MAP4K5: variants seen among roughly 807,000 people sequenced by gnomAD.
MAP4K5 encodes the protein mitogen-activated protein kinase kinase kinase kinase 5.
In MAP4K5, 82 loss-of-function variants were observed where a neutral mutation model predicts 135.6. The ratio of observed to expected loss-of-function variants is 0.60; its 90% CI spans 0.51 to 0.73. The LOEUF (loss-of-function observed/expected upper bound fraction) is 0.73. Among genes scored for constraint, MAP4K5 ranks in the 30% least tolerant of loss-of-function variants. The probability of loss-of-function intolerance (pLI) is 0.00; values close to 1 mark genes in which losing one functional copy is unlikely to be tolerated. For synonymous variants in MAP4K5, 347 were observed against 335.0 expected, an observed-to-expected ratio of 1.04 and a Z score of -0.39; for missense variants, 907 against 1,010.9, an observed-to-expected ratio of 0.90 and a Z score of 1.39.
At chr14:50,444,719 T>C (rs1347630360) in intron 18 of MAP4K5, among the ~76,000 whole-genome samples, 1 of 152,232 alleles carries the variant, frequency 6.6e-6, no homozygotes, top group Non-Finnish European at 1.5e-5. Context: ...CCTAATGTTA[T>C]GTGTATGTGG....
At chr14:50,487,596 T>C (rs1036992323) in intron 3 of MAP4K5, among the ~76,000 whole-genome samples, 4 of 152,220 alleles carry the variant, frequency 2.6e-5, no homozygotes, top group South Asian at 4.1e-4. Context: ...ACCTTAAACA[T>C]AAGTGTACGA....
At chr14:50,445,993 A>T (rs984840089) in intron 17 of MAP4K5, 86 bp downstream of exon 17, 1 of 855,552 alleles carries the variant, frequency 1.2e-6, no homozygotes, top group Non-Finnish European at 1.7e-6. Flanking sequence ...ATTTAAGAAA[A>T]TTTTGAAAAA....
intron 5 of MAP4K5, among the ~76,000 whole-genome samples, chr14:50,483,848 T>C (rs2037306500): frequency 2.7e-5 from 4 of 150,344 alleles, no homozygotes; most frequent in African/African-American, 9.8e-5. Flanking sequence ...ATTTATTTAT[T>C]TATTTATTTA....
At chr14:50,423,536 T>C (rs2035779225) in intron 31 of MAP4K5, among the ~76,000 whole-genome samples, 2 of 151,990 alleles carry the variant, frequency 1.3e-5, no homozygotes, top group Admixed American at 6.6e-5. Context: ...AGAGCTCCTT[T>C]GGGGGCCAAG....
intron 2 of MAP4K5, chr14:50,505,165 C>A: frequency 4.4e-6 from 1 of 225,368 alleles, no homozygotes; most frequent in Non-Finnish European, 8.5e-6. Flanking sequence ...TTAAAAATCT[C>A]ATGGGTTTTA....
chr14:50,539,248 G>T (rs947933844), intron 2 of MAP4K5, among the ~76,000 whole-genome samples: 1 of 152,222 alleles, frequency 6.6e-6, no homozygotes. Context: ...GAGTGTCAGT[G>T]TAGGGCACAA....
intron 16 of MAP4K5, 103 bp from the exon 17 acceptor site, chr14:50,446,224 G>A (rs759805997): frequency 2.4e-4 from 158 of 663,338 alleles, no homozygotes; most frequent in Non-Finnish European, 3.7e-4. Context: ...TACAGAGGAT[G>A]TAAAAGACAG....
chr14:50,486,706 G>A (rs1023234430), intron 3 of MAP4K5, among the ~76,000 whole-genome samples: 9 of 152,052 alleles, frequency 5.9e-5, no homozygotes, highest in Non-Finnish European at 1.0e-4. Context: ...CGAGGTGGGC[G>A]GATCACTTGA....
intron 2 of MAP4K5, among the ~76,000 whole-genome samples, chr14:50,512,712 A>G (rs911182917): frequency 3.3e-5 from 5 of 152,192 alleles, no homozygotes; most frequent in African/African-American, 1.2e-4. Flanking sequence ...GAGATCTTCT[A>G]AACAGAGACC....
intron 6 of MAP4K5, among the ~76,000 whole-genome samples, chr14:50,477,856 G>A (rs2037137617): frequency 6.6e-6 from 1 of 151,932 alleles, no homozygotes; most frequent in Admixed American, 6.6e-5. Context: ...GATTACCTTT[G>A]CTAAACCTTT....
At chr14:50,497,017 G>A (rs2037609244) in intron 3 of MAP4K5, among the ~76,000 whole-genome samples, 1 of 152,088 alleles carries the variant, frequency 6.6e-6, no homozygotes, top group Non-Finnish European at 1.5e-5. Context: ...ATGAAATAAT[G>A]TTAAAGATAG....
intron 2 of MAP4K5, among the ~76,000 whole-genome samples, chr14:50,516,678 A>C (rs1040578754): frequency 6.6e-6 from 1 of 152,230 alleles, no homozygotes; most frequent in Non-Finnish European, 1.5e-5. Flanking sequence ...CATCTCTTCT[A>C]CTTAATCTAT....
At chr14:50,443,842 T>C in intron 19 of MAP4K5, 72 bp from the exon 20 acceptor site, 1 of 1,491,416 alleles carries the variant, frequency 6.7e-7, no homozygotes, top group Non-Finnish European at 9.2e-7. Flanking sequence ...CATTTAGAAC[T>C]TCTGTTACTT....
At chr14:50,529,523 A>T (rs2038340781) in intron 2 of MAP4K5, among the ~76,000 whole-genome samples, 1 of 152,194 alleles carries the variant, frequency 6.6e-6, no homozygotes, top group Non-Finnish European at 1.5e-5. Flanking sequence ...TCATTCATCA[A>T]ATTTTTAGGA....
At chr14:50,444,811 T>C (rs1257432571) in intron 18 of MAP4K5, among the ~76,000 whole-genome samples, 3 of 152,166 alleles carry the variant, frequency 2.0e-5, no homozygotes, top group Non-Finnish European at 4.4e-5. Flanking sequence ...AAATATTTAG[T>C]AAGGATTCAA....
intron 1 of MAP4K5, chr14:50,560,510 G>A (rs2038825675): frequency 1.6e-6 from 1 of 616,372 alleles, no homozygotes; most frequent in Non-Finnish European, 2.8e-6. Context: ...GGTGAGGGCT[G>A]CAGCTTCGCG....
Position 50,477,716 on chromosome 14 carries a change from GTGTATT to G in MAP4K5, c.379-1416_379-1411del, listed in dbSNP as rs554538778. Among the ~76,000 whole-genome samples, 6 of 152,232 alleles carry G rather than the reference GTGTATT, an allele frequency of 3.9e-5. No individual in the cohort carries two copies. The South Asian group carries it at 8.3e-4, about 21-fold the overall frequency. On this transcript the variant is annotated intron_variant, in intron 6 of 32. Transcript: ENST00000682126. Reference sequence around the variant, plus strand: ...TGTTGGATTTTGCTAAATGCCCTGTGTGTATTTAGATGATAATGTGGTTTTTCTTTT... The same window carrying G: ...TGTTGGATTTTGCTAAATGCCCTGTGTAGATGATAATGTGGTTTTTCTTTT...
intron 5 of MAP4K5, chr14:50,482,704 G>A (rs935722988): frequency 4.5e-5 from 11 of 242,916 alleles, no homozygotes; most frequent in Middle Eastern, 2.7e-3. Flanking sequence ...TTGAACCCGG[G>A]AGGCAGGGGT....
chr14:50,426,509 G>C (rs1490534489), intron 30 of MAP4K5, among the ~76,000 whole-genome samples: 1 of 152,150 alleles, frequency 6.6e-6, no homozygotes, highest in East Asian at 1.9e-4. Flanking sequence ...TGGATCACCT[G>C]AGGTCAGGAG....
Sources: allele counts gnomAD v4.1 joint callset (sites outside exome capture counted in the v4.1 genomes callset), GRCh38; gene constraint gnomAD v4.1.1; transcripts MANE v1.5; gene names NCBI Gene and HGNC (gene_info 2026-07-23, HGNC 2026-07-21).